Variants in SLC15A2 observed in about 807,000 individuals in gnomAD.
SLC15A2 encodes the protein solute carrier family 15 member 2.
SLC15A2 carries 77 observed loss-of-function variants against 95.5 expected under a neutral mutation model. The ratio of observed to expected loss-of-function variants is 0.81; its 90% CI spans 0.67 to 0.97. The LOEUF is 0.97. Ranked by LOEUF, SLC15A2 falls within the 50% of genes least tolerant of loss-of-function variation. The pLI is 0.00. For missense variants in SLC15A2, 893 were observed against 874.4 expected (o/e 1.02, Z -0.27); for synonymous variants, 306 against 306.9 (o/e 1.00, Z 0.03).
chr3:121,896,546 A>C, intron 2 of SLC15A2, 53 bp downstream of exon 2: 1 of 1,368,338 alleles, frequency 7.3e-7, no homozygotes, highest in Non-Finnish European at 1.0e-6. Flanking sequence ...CCCTCACCCC[A>C]TGTTTGTGAC....
At chr3:121,921,625 C>G (rs999516099) in intron 7 of SLC15A2, among the ~76,000 whole-genome samples, 1 of 152,156 alleles carries the variant, frequency 6.6e-6, no homozygotes, top group Non-Finnish European at 1.5e-5. Flanking sequence ...TTGGGAAGGT[C>G]TTTCATGCCA....
At position 121,911,558 on chromosome 3, in the gene SLC15A2, T is replaced by G; in HGVS notation, c.336-16T>G. ...CAGTTCTGGTTTTAGACTGACTGAT[T>G]TAGCTCTCTCAACAGGACAATCATC... On this transcript the variant is annotated splice_polypyrimidine_tract_variant and intron_variant, in intron 3 of 21. Coordinates refer to ENST00000489711, the MANE Select transcript of SLC15A2 (RefSeq NM_021082.4). 1 of 1,587,428 alleles carries G rather than the reference T, an allele frequency of 6.3e-7. No homozygotes were observed. The highest frequency in any genetic ancestry group is 8.7e-7 in the Non-Finnish European group (1 of 1,155,878).
chr3:121,941,007 A>T lies in SLC15A2; in HGVS notation c.2190A>T (p.Ter730CysextTer1). The T allele has an allele frequency of 6.2e-7, 1 of 1,612,270 alleles. No homozygotes were observed. Among genetic ancestry groups the T allele is most frequent in the Non-Finnish European group, 8.5e-7 (1 of 1,179,178 alleles). ...IKLETKKTKL[*>C] Reference sequence around the variant, plus strand: ...TAGAGACCAAGAAGACAAAACTCTGATGACTCCCTAGATTCTGTCCTGACC... The same window carrying T: ...TAGAGACCAAGAAGACAAAACTCTGTTGACTCCCTAGATTCTGTCCTGACC... The change falls in exon 22 of 22, where the codon TGA becomes TGT. Residue 730 changes from the stop codon to cysteine, a stop_lost. Coordinates refer to ENST00000489711, the MANE Select transcript of SLC15A2 (RefSeq NM_021082.4).
At chr3:121,940,162 G>A (rs1389924915) in intron 20 of SLC15A2, among the ~76,000 whole-genome samples, 3 of 152,120 alleles carry the variant, frequency 2.0e-5, no homozygotes, top group Non-Finnish European at 4.4e-5. Context: ...TCTTAGGATT[G>A]TAATGAAGAT....
intron 15 of SLC15A2, among the ~76,000 whole-genome samples, 179 bp from the exon 16 acceptor site, chr3:121,928,802 AT>A (rs1710172904): frequency 1.3e-5 from 2 of 152,178 alleles, no homozygotes; most frequent in African/African-American, 4.8e-5. Context: ...ATAAATATTT[AT>A]GCATGGCTCT....
At chr3:121,933,978 T>C (rs1326742739) in intron 19 of SLC15A2, among the ~76,000 whole-genome samples, 798 of 151,912 alleles carry the variant, frequency 5.3e-3, no homozygotes, top group African/African-American at 0.019. Context: ...GCTTTCTACA[T>C]ATGGCCAGCC....
At chr3:121,938,344 G>T in intron 19 of SLC15A2, among the ~76,000 whole-genome samples, 1 of 152,248 alleles carries the variant, frequency 6.6e-6, no homozygotes, top group East Asian at 1.9e-4. Flanking sequence ...CTGGGCAATG[G>T]CGGGCGCCCC....
Position 121,929,321 on chromosome 3 carries a change from G to C in SLC15A2, c.1526G>C (p.Arg509Thr). ...TTGTAGGTAAAGGATACAGAAAGCA[G>C]AACAACCAATGGGATGACAACCGTG... ...SSMMVKDTES[R>T]TTNGMTTVRF... The change falls in exon 17 of 22, where the codon AGA becomes ACA. Residue 509 changes from arginine (R) to threonine (T), a missense_variant. Arg to Thr is a moderately conservative substitution (Grantham distance 71). Transcript: ENST00000489711. 6.2e-7 allele frequency: 1 copy of C among 1,613,648 alleles called. No homozygotes were observed. Among genetic ancestry groups the C allele is most frequent in the African/African-American group, 1.3e-5 (1 of 74,938 alleles).
In SLC15A2 at chr3:121,924,401, A is replaced by G. The variant is rs1222693575; in HGVS notation, c.1035+18A>G. On this transcript the variant is annotated intron_variant, in intron 12 of 21. Transcript: ENST00000489711. ...AGATGCAGGTATGTGACTCTTCTATAGCCATGGGGACTTATTTGTTTCCTT... is the reference window on the plus strand; with the variant it reads ...AGATGCAGGTATGTGACTCTTCTATGGCCATGGGGACTTATTTGTTTCCTT... 16 of 1,609,924 alleles carry G rather than the reference A, an allele frequency of 9.9e-6. No individual in the cohort carries two copies. Among genetic ancestry groups the G allele is most frequent in the Admixed American group, 1.7e-5 (1 of 59,912 alleles).
intron 19 of SLC15A2, among the ~76,000 whole-genome samples, chr3:121,932,764 T>A (rs1710257038): frequency 6.6e-6 from 1 of 152,246 alleles, no homozygotes; most frequent in Non-Finnish European, 1.5e-5. Context: ...TGTGCCATTT[T>A]TTTTCTATTA....
intron 1 of SLC15A2, 54 bp from the exon 2 acceptor site, chr3:121,896,352 G>A (rs1709411960): frequency 1.4e-6 from 2 of 1,398,966 alleles, no homozygotes; most frequent in African/African-American, 2.8e-5. Context: ...AAATCTAATT[G>A]TTGAAACAGG....
rs1250513181 is a variant in SLC15A2 at position 121,930,214 on chromosome 3, C to CTATCAAAACAGAAATG, written c.1554-623_1554-608dup. On this transcript the variant is annotated intron_variant, in intron 17 of 21. Coordinates refer to ENST00000489711, the MANE Select transcript of SLC15A2 (RefSeq NM_021082.4). Reference sequence around the variant, plus strand: ...CTGGGGCCAGAGACCAAATCAAAAGCTATCAAAACAGAAATGTACCAAAAC... The same window carrying CTATCAAAACAGAAATG: ...CTGGGGCCAGAGACCAAATCAAAAGCTATCAAAACAGAAATGTATCAAAACAGAAATGTACCAAAAC... 3.3e-5 allele frequency among the ~76,000 whole-genome samples: 5 copies of CTATCAAAACAGAAATG among 152,074 alleles called. 1 individual carries two copies. The highest frequency in any genetic ancestry group is 1.2e-4 in the African/African-American group (5 of 41,422).
At chr3:121,906,803 A>T (rs1273795618) in intron 3 of SLC15A2, among the ~76,000 whole-genome samples, 1 of 151,490 alleles carries the variant, frequency 6.6e-6, no homozygotes, top group African/African-American at 2.4e-5. Context: ...TTTTTCCTTC[A>T]TTTCAACTTT....
intron 13 of SLC15A2, among the ~76,000 whole-genome samples, chr3:121,926,890 G>C (rs1465499623): frequency 6.6e-6 from 1 of 152,258 alleles, no homozygotes; most frequent in Non-Finnish European, 1.5e-5. Flanking sequence ...GGTGTGCCCT[G>C]AATGTGGGAC....
intron 3 of SLC15A2, among the ~76,000 whole-genome samples, chr3:121,900,766 C>T (rs1045804954): frequency 7.2e-5 from 11 of 152,040 alleles, no homozygotes; most frequent in Non-Finnish European, 1.3e-4. Flanking sequence ...GGAGTATTCT[C>T]TGCCCCCTCA....
At position 121,929,083 on chromosome 3, in the gene SLC15A2, G is replaced by T. The variant is rs34589463; in HGVS notation, c.1443G>T (p.Val481=). The T allele has an allele frequency of 5.3e-4, 861 of 1,614,118 alleles. 3 individuals carry two copies. The African/African-American group carries it at 9.7e-3, about 18-fold the overall frequency. The change falls in exon 16 of 22, where the codon GTG becomes GTT. Residue 481 remains valine, a synonymous_variant. Transcript: ENST00000489711. ...HNLSLYTEHS[V]QEKNWYSLVI... ...TGTCTCTCTACACTGAGCATTCTGT[G>T]CAGGAGAAGAACTGGTACAGTCTTG...
At chr3:121,896,977 G>A (rs1331101490) in intron 2 of SLC15A2, among the ~76,000 whole-genome samples, 1 of 149,368 alleles carries the variant, frequency 6.7e-6, no homozygotes, top group Non-Finnish European at 1.5e-5. Flanking sequence ...TGTTCCTCAG[G>A]TATGAGCTAA....
At chr3:121,918,563 T>TAAA (rs1209169604) in intron 7 of SLC15A2, among the ~76,000 whole-genome samples, 1 of 138,460 alleles carries the variant, frequency 7.2e-6, no homozygotes, top group Non-Finnish European at 1.6e-5. Context: ...AGAGTAAGGT[T>TAAA]AAAAAAAAAA....
chr3:121,928,659 A>C (rs1035367830), intron 15 of SLC15A2, 104 bp downstream of exon 15: 9 of 1,297,210 alleles, frequency 6.9e-6, no homozygotes. Flanking sequence ...GTCTTTAGAT[A>C]ATCTTTGAGC....
Sources: allele counts gnomAD v4.1 joint callset (sites outside exome capture counted in the v4.1 genomes callset), GRCh38; gene constraint gnomAD v4.1.1; transcripts MANE v1.5; gene names NCBI Gene and HGNC (gene_info 2026-07-23, HGNC 2026-07-21).